The following VTI1A variants were observed in gnomAD, a reference collection of about 807,000 sequenced individuals.
VTI1A encodes vesicle transport through interaction with t-SNAREs homolog 1A.
VTI1A carries 22 observed loss-of-function variants against 34.9 expected under a neutral mutation model. The ratio of observed to expected loss-of-function variants is 0.63; its 90% CI spans 0.45 to 0.90. The LOEUF (loss-of-function observed/expected upper bound fraction) is 0.90, where lower values mean the gene tolerates loss of function less well. Among genes scored for constraint, VTI1A ranks in the 40% least tolerant of loss-of-function variants. The probability of loss-of-function intolerance (pLI) is 0.00; values close to 1 mark genes in which losing one functional copy is unlikely to be tolerated. For synonymous variants in VTI1A, 87 were observed against 97.3 expected, an observed-to-expected ratio of 0.89 and a Z score of 0.62; for missense variants, 268 against 275.6, an observed-to-expected ratio of 0.97 and a Z score of 0.20.
intron 2 of VTI1A, among the ~76,000 whole-genome samples, chr10:112,462,440 A>C (rs999754710): frequency 1.3e-5 from 2 of 152,234 alleles, no homozygotes; most frequent in Non-Finnish European, 2.9e-5. Flanking sequence ...TATCTTCAAC[A>C]AAAATATACT....
At chr10:112,789,075 GA>G (rs1404442742) in intron 7 of VTI1A, among the ~76,000 whole-genome samples, 2 of 152,076 alleles carry the variant, frequency 1.3e-5, no homozygotes, top group East Asian at 3.9e-4. Context: ...ATTAAGGGAA[GA>G]AAAATATATA....
At chr10:112,737,532 G>C (rs1157591242) in intron 7 of VTI1A, 6 of 1,050,706 alleles carry the variant, frequency 5.7e-6, no homozygotes, top group South Asian at 9.2e-5. Context: ...CAGTATTTTA[G>C]GTACATCGTG....
chr10:112,713,470 T>G (rs1290679903), intron 7 of VTI1A, among the ~76,000 whole-genome samples: 1 of 152,182 alleles, frequency 6.6e-6, no homozygotes, highest in Non-Finnish European at 1.5e-5. Context: ...GGAGGCATTA[T>G]TATTTTCTTT....
chr10:112,696,692 G>A (rs1288129214), intron 7 of VTI1A, among the ~76,000 whole-genome samples: 2 of 152,024 alleles, frequency 1.3e-5, no homozygotes, highest in African/African-American at 2.4e-5. Flanking sequence ...CTGAGTCTTC[G>A]AGAAGAAAAA....
rs182017765 is a variant in VTI1A, at chr10:112,703,343, G to A, written c.560+34345G>A. On this transcript the variant is annotated intron_variant, in intron 7 of 7. Transcript: ENST00000393077. ...AGCACTTTGGGAGGCCAAGGCGGGC[G>A]GATCACTTGAGGTCGGGAGTTCAAG... is the stretch of plus-strand genomic sequence containing the variant. Among the ~76,000 whole-genome samples, 321 of 152,222 alleles carry A rather than the reference G, an allele frequency of 2.1e-3. 2 individuals carry two copies. The highest frequency in any genetic ancestry group is 6.8e-3 in the Middle Eastern group (2 of 294).
chr10:112,744,389 C>T (rs534762829), intron 7 of VTI1A, among the ~76,000 whole-genome samples: 12 of 152,056 alleles, frequency 7.9e-5, no homozygotes, highest in African/African-American at 2.4e-4. Flanking sequence ...GGTGTTCTAC[C>T]CCCAGATTCT....
At chr10:112,855,025 C>T in the VTI1A span, among the ~76,000 whole-genome samples, 69 of 152,214 alleles carry the variant, frequency 4.5e-4, 2 homozygotes. Flanking sequence ...TCTGCCAGTT[C>T]TTCCCAAGTC....
intron 5 of VTI1A, among the ~76,000 whole-genome samples, chr10:112,662,221 G>A (rs981523943): frequency 1.3e-5 from 2 of 152,142 alleles, no homozygotes; most frequent in Non-Finnish European, 2.9e-5. Flanking sequence ...AAGTTTGACT[G>A]TTAGTTCTTC....
At chr10:112,739,423 T>C (rs1850613821) in intron 7 of VTI1A, among the ~76,000 whole-genome samples, 1 of 152,218 alleles carries the variant, frequency 6.6e-6, no homozygotes, top group Non-Finnish European at 1.5e-5. Context: ...TGGTGGTTAT[T>C]TGGACATCTC....
chr10:112,473,687 A>G (rs999396134), intron 3 of VTI1A, among the ~76,000 whole-genome samples: 2 of 152,136 alleles, frequency 1.3e-5, no homozygotes, highest in African/African-American at 4.8e-5. Context: ...CTGGAACTAC[A>G]TTTTTACTGC....
rs201197896 is a variant in VTI1A, at chr10:112,496,197, C to A, written c.265-30890C>A. Among the ~76,000 whole-genome samples, 34 of 122,742 alleles carry A rather than the reference C, an allele frequency of 2.8e-4. 9 individuals are homozygous for A. In the East Asian group the frequency reaches 4.1e-3, roughly 15 times the overall value. 80.5% of individuals were successfully genotyped at this position (122,742 alleles called of 152,430 possible). Reference sequence around the variant, plus strand: ...GGCAAATGGGGAGACCCCCCCCCCCCCCCCGCCGTCTCTAAACAAAATAAA... The same window carrying A: ...GGCAAATGGGGAGACCCCCCCCCCCACCCCGCCGTCTCTAAACAAAATAAA... On this transcript the variant is annotated intron_variant, in intron 3 of 7. Transcript: ENST00000393077.
At chr10:112,691,749 T>A (rs1476046359) in intron 7 of VTI1A, among the ~76,000 whole-genome samples, 1 of 152,184 alleles carries the variant, frequency 6.6e-6, no homozygotes, top group Admixed American at 6.5e-5. Context: ...CATGGAAGGT[T>A]CACTTGAGGC....
At position 112,564,379 on chromosome 10, in the gene VTI1A, AG is replaced by A. The variant is rs367936995; in HGVS notation, c.427+26050del. Among the ~76,000 whole-genome samples the A allele has an allele frequency of 5.7e-3, 866 of 151,992 alleles. 6 individuals carry two copies. Among genetic ancestry groups the A allele is most frequent in the African/African-American group, 0.02 (837 of 41,494 alleles). ...GTGTATTGTGCTTGTCTTCACTGTG[AG>A]TTTAGTTTTCTATAGTCAATGTCAA... On this transcript the variant is annotated intron_variant, in intron 5 of 7. Transcript: ENST00000393077.
chr10:112,477,301 G>A (rs975065139), intron 3 of VTI1A, among the ~76,000 whole-genome samples: 18 of 152,286 alleles, frequency 1.2e-4, no homozygotes, highest in South Asian at 4.1e-4. Context: ...GGATTAAAAA[G>A]CCTTTGCTAG....
At chr10:112,447,057 G>A, upstream of VTI1A, 1 of 324,806 alleles carries the variant, frequency 3.1e-6, no homozygotes, top group Non-Finnish European at 6.0e-6. Flanking sequence ...GGGAAAAAAC[G>A]CTTCTAATGA....
chr10:112,552,477 A>G (rs1425521113), intron 5 of VTI1A, among the ~76,000 whole-genome samples: 1 of 152,230 alleles, frequency 6.6e-6, no homozygotes, highest in African/African-American at 2.4e-5. Flanking sequence ...AGAAGGCTAC[A>G]CAAATTTAAG....
chr10:112,483,604 C>G (rs1848520707), intron 3 of VTI1A, among the ~76,000 whole-genome samples: 1 of 152,086 alleles, frequency 6.6e-6, no homozygotes, highest in Non-Finnish European at 1.5e-5. Context: ...CCTGTGTCTT[C>G]TAGGAAGTTT....
chr10:112,804,505 C>G (rs1852995224), intron 7 of VTI1A, among the ~76,000 whole-genome samples: 1 of 152,202 alleles, frequency 6.6e-6, no homozygotes, highest in African/African-American at 2.4e-5. Flanking sequence ...TCCTCTCCTC[C>G]CTGGGGTGGT....
chr10:112,775,057 C>T (rs1395787800), intron 7 of VTI1A, among the ~76,000 whole-genome samples: 4 of 152,144 alleles, frequency 2.6e-5, no homozygotes, highest in South Asian at 2.1e-4. Context: ...CACTGAACGT[C>T]GGTCAGTTAG....
Sources: allele counts gnomAD v4.1 joint callset (sites outside exome capture counted in the v4.1 genomes callset), GRCh38; gene constraint gnomAD v4.1.1; transcripts MANE v1.5; gene names NCBI Gene and HGNC (gene_info 2026-07-23, HGNC 2026-07-21).